Variants in CPS1 observed in about 807,000 individuals in gnomAD.
CPS1 encodes carbamoyl-phosphate synthase [ammonia], mitochondrial.
CPS1 carries 109 observed loss-of-function variants against 174.6 expected under a neutral mutation model. The ratio of observed to expected loss-of-function variants is 0.62; its 90% CI spans 0.53 to 0.73. The LOEUF is 0.73. Among genes scored for constraint, CPS1 ranks in the 30% least tolerant of loss-of-function variants. The probability of loss-of-function intolerance (pLI) is 0.00; values close to 1 mark genes in which losing one functional copy is unlikely to be tolerated. For missense variants in CPS1, 1,689 were observed against 1,821.9 expected, an observed-to-expected ratio of 0.93 and a Z score of 1.33; for synonymous variants, 637 against 632.0, an observed-to-expected ratio of 1.01 and a Z score of -0.12.
intron 1 of CPS1, among the ~76,000 whole-genome samples, chr2:210,513,649 A>C (rs1482786664): frequency 1.3e-5 from 2 of 151,850 alleles, no homozygotes; most frequent in Non-Finnish European, 2.9e-5. Flanking sequence ...TTGTCTGTGT[A>C]CTCTGTTGAT....
chr2:210,566,089 G>A (rs1697291670), intron 1 of CPS1, among the ~76,000 whole-genome samples: 1 of 152,148 alleles, frequency 6.6e-6, no homozygotes, highest in Non-Finnish European at 1.5e-5. Context: ...CACTGGTCAT[G>A]GGGTATTCCA....
At chr2:210,616,575 C>A (rs1474307469) in intron 21 of CPS1, 34 bp downstream of exon 21, 2 of 1,236,944 alleles carry the variant, frequency 1.6e-6, no homozygotes, top group South Asian at 1.2e-5. Flanking sequence ...ATGCCAGACA[C>A]CTTCAGTGCA....
At chr2:210,506,145 G>T (rs1033349995) in intron 1 of CPS1, among the ~76,000 whole-genome samples, 1 of 152,160 alleles carries the variant, frequency 6.6e-6, no homozygotes, top group Non-Finnish European at 1.5e-5. Flanking sequence ...AGTAGGGGCA[G>T]ACTGACACCT....
At chr2:210,651,327 TTGAG>T (rs1030556943) in intron 28 of CPS1, among the ~76,000 whole-genome samples, 2 of 152,262 alleles carry the variant, frequency 1.3e-5, no homozygotes, top group Non-Finnish European at 2.9e-5. Flanking sequence ...CCAAGGATGT[TTGAG>T]TGGTAAGAGT....
At chr2:210,574,965 G>A (rs972762485) in intron 2 of CPS1, among the ~76,000 whole-genome samples, 1 of 151,904 alleles carries the variant, frequency 6.6e-6, no homozygotes, top group Non-Finnish European at 1.5e-5. Flanking sequence ...CATTCATTAC[G>A]TGCCTCACTC....
chr2:210,547,213 G>T (rs1230627944), intron 1 of CPS1, among the ~76,000 whole-genome samples: 1 of 151,990 alleles, frequency 6.6e-6, no homozygotes, highest in African/African-American at 2.4e-5. Flanking sequence ...TATTTTTTTG[G>T]TCAGTTAATA....
intron 1 of CPS1, among the ~76,000 whole-genome samples, chr2:210,563,736 C>T (rs1046167709): frequency 6.6e-6 from 1 of 152,132 alleles, no homozygotes. Context: ...TAATGATAAA[C>T]ACTAGGCTGC....
At chr2:210,568,571 A>G (rs961803722) in intron 1 of CPS1, among the ~76,000 whole-genome samples, 2 of 152,052 alleles carry the variant, frequency 1.3e-5, no homozygotes, top group Non-Finnish European at 2.9e-5. Flanking sequence ...AGCCATTATT[A>G]TTATTAGATA....
At chr2:210,574,903 C>T (rs951947712) in intron 2 of CPS1, among the ~76,000 whole-genome samples, 6 of 151,934 alleles carry the variant, frequency 3.9e-5, no homozygotes, top group African/African-American at 1.5e-4. Flanking sequence ...AAAAGGTATT[C>T]ATCTATAAGA....
chr2:210,605,867 A>G (rs2105848527), intron 17 of CPS1, among the ~76,000 whole-genome samples: 1 of 151,994 alleles, frequency 6.6e-6, no homozygotes, highest in Middle Eastern at 3.4e-3. Context: ...TAGAAAGAGG[A>G]GAGAATAGGG....
intron 5 of CPS1, among the ~76,000 whole-genome samples, chr2:210,580,532 T>A (rs74587506): frequency 0.022 from 3,279 of 152,034 alleles, 109 homozygotes; most frequent in African/African-American, 0.075. Flanking sequence ...TAAATATAAT[T>A]ACATAAAAAT....
At chr2:210,661,918 T>G (rs1700935903) in intron 32 of CPS1, among the ~76,000 whole-genome samples, 1 of 146,992 alleles carries the variant, frequency 6.8e-6, no homozygotes, top group African/African-American at 2.5e-5. Context: ...TTTTTTTTTT[T>G]TTTTTGAGAC....
In CPS1 at chr2:210,670,896, A is replaced by G. The variant is rs994580537; in HGVS notation, c.4101+2612A>G. ...ATCTTATAACTAGGACTTAGGATAA[A>G]AGAATCAAGATGTAGATTTTGTCAA... On this transcript the variant is annotated intron_variant, in intron 34 of 37. Coordinates refer to ENST00000233072, the MANE Select transcript of CPS1 (RefSeq NM_001875.5). 5.3e-5 allele frequency among the ~76,000 whole-genome samples: 8 copies of G among 152,340 alleles called. No individual in the cohort carries two copies. The East Asian group carries it at 9.6e-4, about 18-fold the overall frequency.
intron 34 of CPS1, chr2:210,674,005 AT>A (rs1701414233): frequency 6.6e-6 from 1 of 152,232 alleles, no homozygotes; most frequent in Non-Finnish European, 1.5e-5. Context: ...GAAAGCCAGG[AT>A]TTGAAATGCA....
intron 19 of CPS1, among the ~76,000 whole-genome samples, chr2:210,611,251 G>T (rs965487067): frequency 6.6e-6 from 1 of 151,912 alleles, no homozygotes; most frequent in Non-Finnish European, 1.5e-5. Context: ...TAATTGACAT[G>T]AAGATTTCCT....
intron 8 of CPS1, among the ~76,000 whole-genome samples, chr2:210,590,463 T>G (rs1698256293): frequency 6.6e-6 from 1 of 152,010 alleles, no homozygotes; most frequent in South Asian, 2.1e-4. Flanking sequence ...ATCATGTCCT[T>G]GAGTTAAAAG....
At chr2:210,674,152 A>T (rs1352675505) in intron 34 of CPS1, 1 of 152,176 alleles carries the variant, frequency 6.6e-6, no homozygotes, top group Non-Finnish European at 1.5e-5. Flanking sequence ...GTTATTGAAG[A>T]GCAGTACAAA....
At chr2:210,503,826 T>C (rs1695209583) in intron 1 of CPS1, among the ~76,000 whole-genome samples, 1 of 152,172 alleles carries the variant, frequency 6.6e-6, no homozygotes, top group African/African-American at 2.4e-5. Context: ...GGAAAAACAG[T>C]CAAAATCCTT....
intron 34 of CPS1, among the ~76,000 whole-genome samples, chr2:210,669,938 T>G (rs1234757665): frequency 6.6e-6 from 1 of 152,122 alleles, no homozygotes; most frequent in Non-Finnish European, 1.5e-5. Context: ...TTGTGCCTTG[T>G]TTGGTTCTAG....
Sources: gnomAD v4.1 joint callset for allele counts (sites outside exome capture counted in the v4.1 genomes callset) on GRCh38, gnomAD v4.1.1 for gene constraint, MANE v1.5 for transcripts, NCBI Gene and HGNC (gene_info 2026-07-23, HGNC 2026-07-21) for gene names.